Variants in NFE2L2 observed in about 807,000 individuals in gnomAD.
NFE2L2 encodes the protein nuclear factor erythroid 2-related factor 2.
NFE2L2 carries 20 observed loss-of-function variants against 49.6 expected under a neutral mutation model. That is an observed-to-expected ratio of 0.40 (90% CI 0.28 to 0.59). NFE2L2 has a LOEUF of 0.59. NFE2L2 is among the 20% of genes least tolerant of loss of function. The pLI, the probability that NFE2L2 is intolerant of heterozygous loss-of-function variation, is 0.40. For missense variants in NFE2L2, 578 were observed against 714.2 expected (o/e 0.81, Z 2.17); for synonymous variants, 244 against 256.5 (o/e 0.95, Z 0.47).
At chr2:177,263,904 G>T in intron 1 of NFE2L2, 1 of 985,542 alleles carries the variant, frequency 1.0e-6, no homozygotes. Flanking sequence ...GAGAGCTCAA[G>T]GCTGCCAGAG....
chr2:177,238,999 C>T (rs1247275386), intron 1 of NFE2L2, among the ~76,000 whole-genome samples: 1 of 152,202 alleles, frequency 6.6e-6, no homozygotes, highest in South Asian at 2.1e-4. Flanking sequence ...AACATACACA[C>T]ACACACATTC....
chr2:177,233,659 A>C (rs908204854), intron 2 of NFE2L2: 6 of 500,494 alleles, frequency 1.2e-5, no homozygotes, highest in East Asian at 3.5e-5. Context: ...TTCTTAAAAC[A>C]GTGCTTGCCA....
chr2:177,232,680 T>G, intron 3 of NFE2L2, 97 bp from the exon 4 acceptor site: 1 of 1,199,934 alleles, frequency 8.3e-7, no homozygotes, highest in Non-Finnish European at 1.2e-6. Context: ...TCAGCTGCAG[T>G]TCTGTGTCTC....
At chr2:177,237,402 A>G (rs904618638) in intron 1 of NFE2L2, among the ~76,000 whole-genome samples, 1 of 152,252 alleles carries the variant, frequency 6.6e-6, no homozygotes. Flanking sequence ...GATTCCCACT[A>G]AAATAGGTAT....
intron 1 of NFE2L2, among the ~76,000 whole-genome samples, chr2:177,249,960 A>T (rs1690274572): frequency 6.6e-6 from 1 of 152,232 alleles, no homozygotes; most frequent in Non-Finnish European, 1.5e-5. Context: ...CTTAGGGGTG[A>T]CTTTGACGGA....
chr2:177,261,170 C>A (rs373024060), intron 1 of NFE2L2, among the ~76,000 whole-genome samples: 65 of 120,056 alleles, frequency 5.4e-4, no homozygotes, highest in Admixed American at 7.0e-4. Context: ...GACTTCATCT[C>A]AAAAAAAAAA....
chr2:177,257,922 T>G (rs2105492350), intron 1 of NFE2L2, among the ~76,000 whole-genome samples: 1 of 152,310 alleles, frequency 6.6e-6, no homozygotes, highest in East Asian at 1.9e-4. Context: ...AAAACTGTCT[T>G]CCACAAAACT....
At position 177,230,792 on chromosome 2, in the gene NFE2L2, T is replaced by C. The variant is rs1015105997; in HGVS notation, c.1811A>G (p.Lys604Arg). 9 of 1,578,606 alleles carry C rather than the reference T, an allele frequency of 5.7e-6. No homozygotes were observed. In the African/African-American group the frequency reaches 6.9e-5, roughly 12 times the overall value. Residue 604 changes from lysine (K) to arginine (R), a missense_variant, in exon 5 of 5, where the codon AAA (lysine) becomes AGA (arginine). By Grantham distance (26) the Lys-to-Arg change is conservative (BLOSUM62 2). Coordinates refer to ENST00000397062, the MANE Select transcript of NFE2L2 (RefSeq NM_006164.5). ...GGTCAAATCCTCCTAAATCTAGTTT[T>C]TCTTAACATCTGGCTTCTTACTTTT... is the stretch of plus-strand genomic sequence containing the variant. ...VPKSKKPDVKKN is the reference protein window; with the variant it reads ...VPKSKKPDVKRN
chr2:177,261,672 T>G (rs956988422), intron 1 of NFE2L2, among the ~76,000 whole-genome samples: 1 of 152,330 alleles, frequency 6.6e-6, no homozygotes, highest in Admixed American at 6.5e-5. Flanking sequence ...GATAATAATA[T>G]TTCCCGTGAG....
intron 1 of NFE2L2, among the ~76,000 whole-genome samples, chr2:177,250,481 T>C (rs1007721924): frequency 6.6e-6 from 1 of 152,256 alleles, no homozygotes; most frequent in Non-Finnish European, 1.5e-5. Context: ...AGTAACATAA[T>C]GGCCACCATT....
intron 3 of NFE2L2, 128 bp from the exon 4 acceptor site, chr2:177,232,711 G>A: frequency 1.2e-6 from 1 of 827,898 alleles, no homozygotes; most frequent in East Asian, 2.7e-5. Context: ...AACCAGTCAT[G>A]ACCCCGTTTG....
chr2:177,232,644 A>C (rs1689596009), intron 3 of NFE2L2, 61 bp from the exon 4 acceptor site: 1 of 1,533,622 alleles, frequency 6.5e-7, no homozygotes, highest in Non-Finnish European at 8.9e-7. Flanking sequence ...GTAAGCTCTA[A>C]GGCACCACTA....
intron 1 of NFE2L2, among the ~76,000 whole-genome samples, chr2:177,238,921 G>C (rs984797730): frequency 3.3e-5 from 5 of 152,202 alleles, no homozygotes; most frequent in African/African-American, 1.2e-4. Flanking sequence ...TACTGTTGGT[G>C]GGGGTAATGG....
chr2:177,249,622 T>A (rs1690261852), intron 1 of NFE2L2, among the ~76,000 whole-genome samples: 1 of 152,088 alleles, frequency 6.6e-6, no homozygotes. Context: ...AACAAAAAAA[T>A]AAACAAGTGA....
rs1270452899 is a variant in NFE2L2, at chr2:177,231,347, T to C, written c.1256A>G (p.Asp419Gly). The C allele has an allele frequency of 1.2e-6, 2 of 1,614,272 alleles. No homozygotes were observed. Among genetic ancestry groups the C allele is most frequent in the Admixed American group, 1.7e-5 (1 of 60,038 alleles). Residue 419 changes from aspartate (D) to glycine (G), a missense_variant, in exon 5 of 5, where the codon GAT becomes GGT. Asp to Gly is a moderately conservative substitution (Grantham distance 94). Coordinates refer to ENST00000397062, the MANE Select transcript of NFE2L2 (RefSeq NM_006164.5). ...CTCTGGTGTGTTCTCACATTGGGCA[T>C]CATGCACGTGAGTGCTCTGCCCCTG... The part of the protein sequence containing the change: ...PSQGQSTHVH[D>G]AQCENTPEKE...
In NFE2L2 at chr2:177,231,313, C is replaced by G. The variant is rs1321023832; in HGVS notation, c.1290G>C (p.Leu430Phe). The G allele has an allele frequency of 1.2e-6, 2 of 1,614,252 alleles. No individual in the cohort carries two copies. The highest frequency in any genetic ancestry group is 2.2e-5 in the South Asian group (2 of 91,082). The change falls in exon 5 of 5, where the codon TTG becomes TTC. Residue 430 changes from leucine (L) to phenylalanine (F), a missense_variant. Around this residue, in one of 3 missense-constraint regions of NFE2L2, gnomAD observed 368 missense variants for 384.6 expected, o/e 0.96. Transcript: ENST00000397062. ...TTTTCCGATGACCAGGACTTACAGGCAATTCTTTCTCTGGTGTGTTCTCAC... is the reference window on the plus strand; with the variant it reads ...TTTTCCGATGACCAGGACTTACAGGGAATTCTTTCTCTGGTGTGTTCTCAC... ...AQCENTPEKE[L>F]PVSPGHRKTP...
chr2:177,249,251 G>C (rs1392875602), intron 1 of NFE2L2, among the ~76,000 whole-genome samples: 1 of 113,074 alleles, frequency 8.8e-6, no homozygotes, highest in East Asian at 2.8e-4. Context: ...AATAAATAAG[G>C]CATTTTCTTC....
At chr2:177,232,810 A>G in intron 3 of NFE2L2, 1 of 535,416 alleles carries the variant, frequency 1.9e-6, no homozygotes, top group Non-Finnish European at 3.3e-6. Context: ...AGTAAACTTT[A>G]AAATGCGTAA....
chr2:177,233,163 A>C (rs1689619262), intron 3 of NFE2L2, 87 bp downstream of exon 3: 1 of 1,092,606 alleles, frequency 9.2e-7, no homozygotes, highest in Non-Finnish European at 1.3e-6. Flanking sequence ...TTAAATGGAG[A>C]TTCATTGACG....
Sources: allele counts gnomAD v4.1 joint callset (sites outside exome capture counted in the v4.1 genomes callset), GRCh38; gene constraint gnomAD v4.1.1; regional missense constraint gnomAD v4.1.1; transcripts MANE v1.5; gene names NCBI Gene and HGNC (gene_info 2026-07-23, HGNC 2026-07-21).